UTRN: variants seen among roughly 807,000 people sequenced by gnomAD.
UTRN encodes the protein utrophin.
In UTRN, 283 loss-of-function variants were observed where a neutral mutation model predicts 463.9. That is an observed-to-expected ratio of 0.61 (90% CI 0.55 to 0.67). The LOEUF is 0.67. UTRN is among the 30% of genes least tolerant of loss of function. The pLI is 0.00. For missense variants in UTRN, 3,922 were observed against 4,084.3 expected (o/e 0.96, Z 1.08); for synonymous variants, 1,442 against 1,431.5 (o/e 1.01, Z -0.17).
At chr6:144,711,349 C>G (rs904608002) in intron 53 of UTRN, among the ~76,000 whole-genome samples, 3 of 151,818 alleles carry the variant, frequency 2.0e-5, no homozygotes, top group African/African-American at 7.2e-5. Flanking sequence ...AAAAAAGCAG[C>G]TTACTAATAA....
At chr6:144,322,089 T>C (rs1775695136) in intron 2 of UTRN, among the ~76,000 whole-genome samples, 1 of 152,170 alleles carries the variant, frequency 6.6e-6, no homozygotes, top group Non-Finnish European at 1.5e-5. Context: ...CCTGGAGTAG[T>C]TCTCAGTGCT....
At chr6:144,674,279 G>A (rs1339650790) in intron 51 of UTRN, among the ~76,000 whole-genome samples, 1 of 150,330 alleles carries the variant, frequency 6.7e-6, no homozygotes, top group Non-Finnish European at 1.5e-5. Flanking sequence ...TCAGGAACAT[G>A]AATTATTCTT....
chr6:144,533,033 C>T (rs112835608), intron 42 of UTRN, 52 bp from the exon 43 acceptor site: 3 of 1,010,230 alleles, frequency 3.0e-6, no homozygotes, highest in African/African-American at 1.6e-5. Context: ...TTCATTGCAT[C>T]AGAATCATTT....
intron 50 of UTRN, among the ~76,000 whole-genome samples, chr6:144,565,943 T>C (rs1327102258): frequency 6.6e-6 from 1 of 152,064 alleles, no homozygotes; most frequent in Non-Finnish European, 1.5e-5. Flanking sequence ...AAATGGATTA[T>C]AGTAAAGCAT....
intron 54 of UTRN, among the ~76,000 whole-genome samples, chr6:144,740,836 G>C (rs993396505): frequency 2.0e-5 from 3 of 152,104 alleles, no homozygotes; most frequent in Admixed American, 2.0e-4. Flanking sequence ...ATAAAGATTT[G>C]TTTGATAGAC....
At chr6:144,643,663 G>A (rs1015174107) in intron 51 of UTRN, among the ~76,000 whole-genome samples, 1 of 152,008 alleles carries the variant, frequency 6.6e-6, no homozygotes, top group South Asian at 2.1e-4. Context: ...CAGGCATGGG[G>A]GCAGGCACCT....
Position 144,437,632 on chromosome 6 carries a change from T to A in UTRN, c.1127T>A (p.Leu376Gln). Residue 376 changes from leucine (L) to glutamine (Q), a missense_variant, in exon 11 of 75, where the codon CTG (leucine) becomes CAG (glutamine). Leu to Gln is a moderately radical substitution (Grantham distance 113, BLOSUM62 -2). Around this residue, in one of 3 missense-constraint regions of UTRN, gnomAD observed 2,349 missense variants for 2,303.8 expected, o/e 1.02. Transcript: ENST00000367545. ...VGSVLQAGNQ[L>Q]ITQGTLSDEE... ...AGCGTCCTGCAGGCAGGCAACCAAC[T>A]GATAACACAAGGAACTCTGTCAGAC... 6.2e-7 allele frequency: 1 copy of A among 1,614,060 alleles called. No individual in the cohort carries two copies. The highest frequency in any genetic ancestry group is 2.2e-5 in the East Asian group (1 of 44,870).
At chr6:144,513,779 C>T (rs2128591679) in intron 35 of UTRN, 130 bp from the exon 36 acceptor site, 1 of 966,950 alleles carries the variant, frequency 1.0e-6, no homozygotes, top group Non-Finnish European at 1.5e-6. Context: ...AAGAGCTCTG[C>T]AGGAAGGTGA....
At chr6:144,635,514 C>CTTTTTTTTTTTTTTTTTTTTTTT (rs1402815648) in intron 51 of UTRN, among the ~76,000 whole-genome samples, 8 of 80,008 alleles carry the variant, frequency 1.0e-4, no homozygotes, top group African/African-American at 2.0e-4. Context: ...CTTTTTTTTT[C>CTTTTTTTTTTTTTTTTTTTTTTT]TTTTTTTTTT....
rs778040239 is a variant in UTRN at position 144,799,519 on chromosome 6, T to G, written c.9245+1529T>G. 9 of 471,442 alleles carry G rather than the reference T, an allele frequency of 1.9e-5. No individual in the cohort carries two copies. The East Asian group carries it at 5.6e-4, about 29-fold the overall frequency. The allele number at this position is 471,442 out of a possible 1,614,324, so 29.2% of individuals were successfully genotyped here. ...CAGCAGGGTTCTTGGAATGGCTACA[T>G]TTGGAGTATCTGGTAGACATAGATG... On this transcript the variant is annotated intron_variant, in intron 64 of 74. Transcript: ENST00000367545.
intron 2 of UTRN, among the ~76,000 whole-genome samples, chr6:144,376,707 T>C (rs934481421): frequency 6.6e-6 from 1 of 152,120 alleles, no homozygotes; most frequent in African/African-American, 2.4e-5. Context: ...TTTTATTGCT[T>C]AGAAAAAAAT....
chr6:144,610,154 GA>G (rs57813017), intron 51 of UTRN, among the ~76,000 whole-genome samples: 37 of 101,728 alleles, frequency 3.6e-4, no homozygotes, highest in South Asian at 1.5e-3. Context: ...ATTCTTTTTT[GA>G]AAAAAAAAAA....
At chr6:144,315,292 A>T (rs1300028098) in intron 2 of UTRN, among the ~76,000 whole-genome samples, 2 of 152,210 alleles carry the variant, frequency 1.3e-5, no homozygotes, top group Admixed American at 1.3e-4. Flanking sequence ...TGGCCTGAAC[A>T]GTGGCTTATC....
intron 65 of UTRN, among the ~76,000 whole-genome samples, chr6:144,818,104 A>C (rs1338884392): frequency 6.6e-6 from 1 of 152,188 alleles, no homozygotes; most frequent in African/African-American, 2.4e-5. Flanking sequence ...TTTCACAAGC[A>C]AGAGTTCATG....
At chr6:144,647,475 A>T (rs553259288) in intron 51 of UTRN, among the ~76,000 whole-genome samples, 39 of 152,056 alleles carry the variant, frequency 2.6e-4, no homozygotes, top group Non-Finnish European at 4.7e-4. Context: ...TTTTAAAGAC[A>T]AAGAGAAGTC....
At position 144,730,398 on chromosome 6, in the gene UTRN, G is replaced by T. The variant is rs1479143722; in HGVS notation, c.7851G>T (p.Leu2617=). ...TAAAGGAGAAAGAATATTCTGTCCT[G>T]AATGCTGTCGACCAGGCCCGAGTTT... The part of the protein sequence containing the change: ...RELKEKEYSV[L]NAVDQARVFL... The change falls in exon 54 of 75, where the codon CTG becomes CTT. Residue 2617 remains leucine, a synonymous_variant. Transcript: ENST00000367545. 7 of 1,612,204 alleles carry T rather than the reference G, an allele frequency of 4.3e-6. No individual in the cohort carries two copies. The South Asian group carries it at 5.5e-5, about 13-fold the overall frequency.
At position 144,448,664 on chromosome 6, in the gene UTRN, T is replaced by C. The variant is rs1393557707; in HGVS notation, c.1967T>C (p.Val656Ala). The C allele has an allele frequency of 2.5e-6, 4 of 1,614,020 alleles. No individual in the cohort carries two copies. Among genetic ancestry groups the C allele is most frequent in the African/African-American group, 2.7e-5 (2 of 75,004 alleles). The change falls in exon 17 of 75, where the codon GTT (valine) becomes GCT (alanine). Residue 656 changes from valine to alanine, a missense_variant. Val to Ala is a moderately conservative substitution (Grantham distance 64). Coordinates refer to ENST00000367545, the MANE Select transcript of UTRN (RefSeq NM_007124.3). Reference sequence around the variant, plus strand: ...CCTCAGAAGGACCTTTTGGAGACTGTTCGTGTAAGAGAACAAGCAATTACA... The same window carrying C: ...CCTCAGAAGGACCTTTTGGAGACTGCTCGTGTAAGAGAACAAGCAATTACA... The part of the protein sequence containing the change: ...QIPQKDLLET[V>A]RVREQAITKK...
rs191506272 is a variant in UTRN, at chr6:144,667,024, T to C, written c.7480-11382T>C. Among the ~76,000 whole-genome samples the C allele has an allele frequency of 8.6e-3, 1,306 of 151,384 alleles. 9 individuals carry two copies. Among genetic ancestry groups the C allele is most frequent in the Non-Finnish European group, 0.013 (904 of 67,828 alleles). On this transcript the variant is annotated intron_variant, in intron 51 of 74. Transcript: ENST00000367545. ...CCACTACTACTTCTTCTTCCTCTTC[T>C]TCCTCCTCCTCCTCCTCCTCCTCCT...
intron 58 of UTRN, chr6:144,758,340 AT>A (rs781181209): frequency 7.3e-5 from 12 of 163,718 alleles, no homozygotes; most frequent in Admixed American, 3.8e-4. Context: ...AAATGACAGA[AT>A]TTCAAAATAC....
Sources: gnomAD v4.1 joint callset for allele counts (sites outside exome capture counted in the v4.1 genomes callset) on GRCh38, gnomAD v4.1.1 for gene constraint, gnomAD v4.1.1 regional missense constraint, MANE v1.5 for transcripts, NCBI Gene and HGNC (gene_info 2026-07-23, HGNC 2026-07-21) for gene names.